ADAMTS3: variants seen among roughly 807,000 people sequenced by gnomAD.
The protein encoded by ADAMTS3 is ADAM metallopeptidase with thrombospondin type 1 motif 3.
Under a neutral mutation model 129.0 loss-of-function variants are expected in ADAMTS3, and 73 were observed. The ratio of observed to expected loss-of-function variants is 0.57; its 90% CI spans 0.47 to 0.69. The LOEUF (loss-of-function observed/expected upper bound fraction) is 0.69. Among genes scored for constraint, ADAMTS3 ranks in the 30% least tolerant of loss-of-function variants. The probability of loss-of-function intolerance (pLI) is 0.00; values close to 1 mark genes in which losing one functional copy is unlikely to be tolerated. For missense variants in ADAMTS3, 1,457 were observed against 1,514.5 expected (o/e 0.96, Z 0.63); for synonymous variants, 477 against 510.8 (o/e 0.93, Z 0.89).
chr4:72,566,454 T>G (rs1033309083), intron 2 of ADAMTS3, among the ~76,000 whole-genome samples: 1 of 152,232 alleles, frequency 6.6e-6, no homozygotes, highest in Non-Finnish European at 1.5e-5. Flanking sequence ...ACACTGTGCC[T>G]GGCATTTAAT....
chr4:72,534,107 C>T (rs1004179266), intron 3 of ADAMTS3, among the ~76,000 whole-genome samples: 4 of 152,046 alleles, frequency 2.6e-5, no homozygotes, highest in Admixed American at 2.6e-4. Flanking sequence ...GTGGGTGGAT[C>T]GCGAGGTCGA....
intron 3 of ADAMTS3, among the ~76,000 whole-genome samples, chr4:72,537,130 G>T (rs1721201954): frequency 6.6e-6 from 1 of 152,170 alleles, no homozygotes; most frequent in African/African-American, 2.4e-5. Flanking sequence ...TCAGCTCTTA[G>T]CACAGTAGCA....
chr4:72,312,725 G>GAAA (rs531592348), intron 12 of ADAMTS3, among the ~76,000 whole-genome samples: 3 of 150,330 alleles, frequency 2.0e-5, no homozygotes, highest in Non-Finnish European at 4.4e-5. Flanking sequence ...AAGTGTGTAA[G>GAAA]AAAAAAAAAG....
chr4:72,486,326 C>G (rs1268161301), intron 3 of ADAMTS3, among the ~76,000 whole-genome samples: 1 of 152,180 alleles, frequency 6.6e-6, no homozygotes, highest in Non-Finnish European at 1.5e-5. Context: ...GTAGTAAGTA[C>G]TGAGGCCACC....
chr4:72,407,724 G>A lies in ADAMTS3; in HGVS notation c.661+7091C>T, dbSNP rs1440965094. On this transcript the variant is annotated intron_variant, in intron 4 of 21. Coordinates refer to ENST00000286657, the MANE Select transcript of ADAMTS3 (RefSeq NM_014243.3). ...AGCTCTCAAATAAAAAATATCTCAG[G>A]TCAAAAGCACTGAACAAGTTAGAGT... Among the ~76,000 whole-genome samples, 5 of 152,034 alleles carry A rather than the reference G, an allele frequency of 3.3e-5. No homozygotes were observed. The East Asian group carries it at 9.6e-4, about 29-fold the overall frequency.
chr4:72,551,474 T>C (rs1721644973), intron 2 of ADAMTS3, among the ~76,000 whole-genome samples: 1 of 152,204 alleles, frequency 6.6e-6, no homozygotes, highest in African/African-American at 2.4e-5. Flanking sequence ...CTAAAAAGTA[T>C]ACATAATAAA....
At chr4:72,537,281 T>C (rs1411397029) in intron 3 of ADAMTS3, among the ~76,000 whole-genome samples, 1 of 152,230 alleles carries the variant, frequency 6.6e-6, no homozygotes, top group Non-Finnish European at 1.5e-5. Flanking sequence ...CCCTGATCAC[T>C]GATGCTTCTG....
intron 5 of ADAMTS3, among the ~76,000 whole-genome samples, chr4:72,331,485 G>A (rs959812752): frequency 6.6e-6 from 1 of 152,048 alleles, no homozygotes; most frequent in African/African-American, 2.4e-5. Flanking sequence ...CTAAAACACG[G>A]ACTGATCAAG....
rs184606530 is a variant in ADAMTS3 at position 72,346,086 on chromosome 4, G to C, written c.662-6393C>G. Among the ~76,000 whole-genome samples, 12 of 152,156 alleles carry C rather than the reference G, an allele frequency of 7.9e-5. No individual in the cohort carries two copies. In the East Asian group the frequency reaches 1.9e-3, roughly 24 times the overall value. ...CTGCCATTCTTGGTGTACAAACTTTGCCTTCAAATTAGCTCCTTTGATTAT... is the reference window on the plus strand; with the variant it reads ...CTGCCATTCTTGGTGTACAAACTTTCCCTTCAAATTAGCTCCTTTGATTAT... On this transcript the variant is annotated intron_variant, in intron 4 of 21. Coordinates refer to ENST00000286657, the MANE Select transcript of ADAMTS3 (RefSeq NM_014243.3).
chr4:72,339,904 A>G (rs1204413655), intron 4 of ADAMTS3, among the ~76,000 whole-genome samples: 5 of 152,226 alleles, frequency 3.3e-5, no homozygotes, highest in Non-Finnish European at 7.3e-5. Flanking sequence ...CACTGAAGGT[A>G]AAATCATATT....
intron 3 of ADAMTS3, among the ~76,000 whole-genome samples, chr4:72,460,806 C>T (rs1414830352): frequency 6.6e-6 from 1 of 151,438 alleles, no homozygotes; most frequent in Non-Finnish European, 1.5e-5. Context: ...ATTGTGTCAC[C>T]CATTTTCAAA....
chr4:72,539,441 A>T (rs956940320), intron 3 of ADAMTS3, among the ~76,000 whole-genome samples: 4 of 150,698 alleles, frequency 2.7e-5, no homozygotes, highest in Non-Finnish European at 4.4e-5. Flanking sequence ...GCATCTCAAA[A>T]CTATAATAAA....
intron 3 of ADAMTS3, among the ~76,000 whole-genome samples, chr4:72,515,099 C>T (rs1332708472): frequency 6.6e-6 from 1 of 151,918 alleles, no homozygotes; most frequent in Non-Finnish European, 1.5e-5. Flanking sequence ...GGTTTTTTGT[C>T]CTTGCGATAG....
At chr4:72,433,711 A>C (rs1276438789) in intron 3 of ADAMTS3, among the ~76,000 whole-genome samples, 1 of 151,952 alleles carries the variant, frequency 6.6e-6, no homozygotes, top group Admixed American at 6.6e-5. Flanking sequence ...TAATGTCATA[A>C]TCTTGGTAAT....
chr4:72,467,956 A>G (rs899806153), intron 3 of ADAMTS3, among the ~76,000 whole-genome samples: 2 of 151,984 alleles, frequency 1.3e-5, no homozygotes, highest in Non-Finnish European at 2.9e-5. Context: ...AAGCTATATT[A>G]TATCATATAT....
intron 14 of ADAMTS3, among the ~76,000 whole-genome samples, chr4:72,310,722 T>G (rs1325720669): frequency 2.0e-5 from 3 of 152,146 alleles, no homozygotes; most frequent in Non-Finnish European, 4.4e-5. Context: ...GACCTTGTAT[T>G]TTAATAGCAG....
chr4:72,470,702 G>C (rs1247034046), intron 3 of ADAMTS3, among the ~76,000 whole-genome samples: 2 of 151,900 alleles, frequency 1.3e-5, no homozygotes, highest in Admixed American at 1.3e-4. Flanking sequence ...GTGGCAAAAA[G>C]GCAATGGTGA....
intron 5 of ADAMTS3, among the ~76,000 whole-genome samples, chr4:72,336,694 G>A (rs992171468): frequency 6.6e-6 from 1 of 152,128 alleles, no homozygotes; most frequent in Non-Finnish European, 1.5e-5. Flanking sequence ...TTGGGAATAA[G>A]ACTAATTTAG....
intron 3 of ADAMTS3, among the ~76,000 whole-genome samples, chr4:72,530,699 T>C (rs1221390397): frequency 2.1e-5 from 2 of 93,574 alleles, no homozygotes; most frequent in East Asian, 2.8e-4. Flanking sequence ...TATTGTATCA[T>C]ATATTATATA....
Sources: allele counts gnomAD v4.1 joint callset (sites outside exome capture counted in the v4.1 genomes callset), GRCh38; gene constraint gnomAD v4.1.1; transcripts MANE v1.5; gene names NCBI Gene and HGNC (gene_info 2026-07-23, HGNC 2026-07-21).